Variants in GLT8D2 observed in about 807,000 individuals in gnomAD.
The protein encoded by GLT8D2 is glycosyltransferase 8 domain containing 2.
Under a neutral mutation model 44.5 loss-of-function variants are expected in GLT8D2, and 45 were observed. The ratio of observed to expected loss-of-function variants is 1.01; its 90% CI spans 0.80 to 1.30. The LOEUF is 1.30. GLT8D2 is among the 50% of genes most tolerant of loss of function. The pLI is 0.00. For missense variants in GLT8D2, 400 were observed against 430.4 expected (o/e 0.93, Z 0.62); for synonymous variants, 156 against 157.2 (o/e 0.99, Z 0.06).
intron 4 of GLT8D2, among the ~76,000 whole-genome samples, chr12:104,012,190 ATATAT>A (rs376879023): frequency 0.19 from 17,347 of 91,970 alleles, 1,727 homozygotes; most frequent in Non-Finnish European, 0.24. Flanking sequence ...AAAAAAAAAA[ATATAT>A]ATATATATAT....
At chr12:104,013,136 T>C (rs2136335501) in intron 4 of GLT8D2, among the ~76,000 whole-genome samples, 1 of 152,364 alleles carries the variant, frequency 6.6e-6, no homozygotes, top group Non-Finnish European at 1.5e-5. Context: ...AGTAAATTTA[T>C]AGAATTGCAC....
At chr12:104,022,790 GCA>G (rs140982372) in intron 1 of GLT8D2, among the ~76,000 whole-genome samples, 2 of 148,956 alleles carry the variant, frequency 1.3e-5, no homozygotes, top group South Asian at 2.1e-4. Flanking sequence ...ACACACACAT[GCA>G]CACACACACA....
Position 103,999,434 on chromosome 12 carries a change from A to T in GLT8D2, c.365T>A (p.Ile122Asn), listed in dbSNP as rs769294004. ...TTCAGGCCTCGATGAGTCTGGTCTG[A>T]TCTTCCCTTTGAGGACCATCGGGTT... Reference protein sequence around the residue: ...EFNPMVLKGKIRPDSSRPELL... With the variant: ...EFNPMVLKGKNRPDSSRPELL... Residue 122 changes from isoleucine to asparagine, a missense_variant, in exon 6 of 11, where the codon ATC becomes AAC. Coordinates refer to ENST00000360814, the MANE Select transcript of GLT8D2 (RefSeq NM_001384711.1). 1.2e-6 allele frequency: 2 copies of T among 1,613,190 alleles called. No individual in the cohort carries two copies. Among genetic ancestry groups the T allele is most frequent in the South Asian group, 2.2e-5 (2 of 91,056 alleles).
In GLT8D2 at chr12:104,008,895, T is replaced by C. The variant is rs142428924; in HGVS notation, c.113-5589A>G. ...CAGCTTCCACGTGGTGTTGAGCCTG[T>C]GAGTGCACAGAAGTAAAAAATTGGG... On this transcript the variant is annotated intron_variant, in intron 4 of 10. Coordinates refer to ENST00000360814, the MANE Select transcript of GLT8D2 (RefSeq NM_001384711.1). Among the ~76,000 whole-genome samples, 762 of 152,336 alleles carry C rather than the reference T, an allele frequency of 5.0e-3. 3 individuals carry two copies. Among genetic ancestry groups the C allele is most frequent in the Non-Finnish European group, 9.2e-3 (625 of 68,022 alleles).
chr12:103,989,333 G>T lies in GLT8D2; in HGVS notation c.*75C>A. The T allele has an allele frequency of 8.0e-7, 1 of 1,252,354 alleles. No individual in the cohort carries two copies. Among genetic ancestry groups the T allele is most frequent in the Non-Finnish European group, 1.1e-6 (1 of 903,540 alleles). 77.6% of individuals were successfully genotyped at this position (1,252,354 alleles called of 1,614,324 possible). Reference sequence around the variant, plus strand: ...ATGTATCAAAGGTAATATTCATAAAGAACAATGTTATAGTTGGCTACAAAG... The same window carrying T: ...ATGTATCAAAGGTAATATTCATAAATAACAATGTTATAGTTGGCTACAAAG... On this transcript the variant is annotated 3_prime_UTR_variant, in exon 11 of 11. Transcript: ENST00000360814.
At chr12:104,062,543 G>C (rs1367443131) in intron 1 of GLT8D2, among the ~76,000 whole-genome samples, 2 of 152,212 alleles carry the variant, frequency 1.3e-5, no homozygotes, top group African/African-American at 4.8e-5. Flanking sequence ...TTACTATACA[G>C]TGTCTGTGTT....
chr12:104,003,158 G>A lies in GLT8D2; in HGVS notation c.261C>T (p.Leu87=), dbSNP rs559610516. Residue 87 remains leucine (L), a synonymous_variant, in exon 5 of 11, where the codon CTC becomes CTT. Transcript: ENST00000360814. ...ACCGTATTCGAGTCAGAGTATTCCG[G>A]AGTCCCACTACATAGAACAAGATGT... The part of the protein sequence containing the change: ...DANILFYVVG[L]RNTLTRIRKW... 1 of 1,614,054 alleles carries A rather than the reference G, an allele frequency of 6.2e-7. No individual in the cohort carries two copies. Among genetic ancestry groups the A allele is most frequent in the Non-Finnish European group, 8.5e-7 (1 of 1,179,960 alleles).
chr12:104,059,794 G>A (rs1315793542), intron 1 of GLT8D2, among the ~76,000 whole-genome samples: 1 of 152,024 alleles, frequency 6.6e-6, no homozygotes, highest in African/African-American at 2.4e-5. Context: ...ATGATTGCTG[G>A]TTGTGCTCTT....
Position 103,994,358 on chromosome 12 carries a change from C to T in GLT8D2, c.744G>A (p.Glu248=). 1 of 1,612,666 alleles carries T rather than the reference C, an allele frequency of 6.2e-7. No individual in the cohort carries two copies. Among genetic ancestry groups the T allele is most frequent in the East Asian group, 2.2e-5 (1 of 44,872 alleles). Residue 248 remains glutamate, a synonymous_variant, in exon 9 of 11, where the codon GAG becomes GAA. Transcript: ENST00000360814. ...ACTCCACATTCTTTTGCATCCATTT[C>T]TCCAATTGCTTGGTGATGCGCTGGT... is the stretch of plus-strand genomic sequence containing the variant. ...WKHQRITKQL[E]KWMQKNVEEN... is the part of the protein sequence containing the mutation.
At chr12:104,028,827 A>G (rs1878886476) in intron 1 of GLT8D2, among the ~76,000 whole-genome samples, 1 of 152,150 alleles carries the variant, frequency 6.6e-6, no homozygotes, top group African/African-American at 2.4e-5. Context: ...TGTTCCTGCC[A>G]GTGATATTTA....
At chr12:104,037,542 T>C (rs1405425464) in intron 1 of GLT8D2, among the ~76,000 whole-genome samples, 1 of 152,114 alleles carries the variant, frequency 6.6e-6, no homozygotes, top group Admixed American at 6.5e-5. Context: ...CTAGAAAATA[T>C]AGAAGAAATG....
intron 1 of GLT8D2, chr12:104,030,776 G>T: frequency 2.5e-6 from 4 of 1,611,842 alleles, no homozygotes; most frequent in South Asian, 1.1e-5. Flanking sequence ...CCAGCCCGCC[G>T]CCATGGCCGC....
intron 1 of GLT8D2, among the ~76,000 whole-genome samples, chr12:104,055,472 T>G (rs149349698): frequency 2.7e-4 from 41 of 152,340 alleles, no homozygotes; most frequent in Admixed American, 6.5e-4. Context: ...TAACTACTCA[T>G]GGAAAATCTT....
chr12:104,045,033 A>G (rs1220569133), intron 1 of GLT8D2, among the ~76,000 whole-genome samples: 1 of 152,244 alleles, frequency 6.6e-6, no homozygotes, highest in Non-Finnish European at 1.5e-5. Context: ...CAGACAGACC[A>G]CTGAGGACAG....
rs1170333665 is a variant in GLT8D2, at chr12:103,990,133, A to ATATATATC, written c.881-557_881-556insGATATATA. ...TATATATATATATATATATATATATATGTAGGATAAAATATTGTAGGTGGA... is the reference window on the plus strand; with the variant it reads ...TATATATATATATATATATATATATATATATATCTGTAGGATAAAATATTGTAGGTGGA... On this transcript the variant is annotated intron_variant, in intron 10 of 10. Transcript: ENST00000360814. 2.2e-4 allele frequency among the ~76,000 whole-genome samples: 30 copies of ATATATATC among 136,476 alleles called. 2 individuals are homozygous for ATATATATC. Among genetic ancestry groups the ATATATATC allele is most frequent in the East Asian group, 4.0e-4 (2 of 4,970 alleles). 89.5% of individuals were successfully genotyped at this position (136,476 alleles called of 152,430 possible). A position where few individuals can be genotyped will look rare whatever the true frequency, so the allele number is the denominator to read the frequency against.
intron 3 of GLT8D2, among the ~76,000 whole-genome samples, chr12:104,019,118 C>CTTTTT (rs11291563): frequency 2.5e-4 from 29 of 116,462 alleles, no homozygotes; most frequent in African/African-American, 3.0e-4. Context: ...ACTTCTTCTT[C>CTTTTT]TTTTTTTTTT....
chr12:103,995,070 C>T (rs1873239839), intron 8 of GLT8D2, among the ~76,000 whole-genome samples: 1 of 152,000 alleles, frequency 6.6e-6, no homozygotes, highest in African/African-American at 2.4e-5. Flanking sequence ...CTTCAAAATG[C>T]TGGAAGCCAA....
intron 1 of GLT8D2, chr12:104,031,446 A>G: frequency 1.2e-6 from 2 of 1,612,816 alleles, no homozygotes; most frequent in Non-Finnish European, 1.7e-6. Context: ...TTGGACAAGA[A>G]CTTGAAGCCT....
intron 8 of GLT8D2, among the ~76,000 whole-genome samples, 189 bp from the exon 9 acceptor site, chr12:103,994,690 CCTAAGT>C (rs565431346): frequency 7.0e-4 from 106 of 152,152 alleles, no homozygotes; most frequent in Middle Eastern, 6.8e-3. Context: ...TGCTGAATGC[CCTAAGT>C]CTGAGTGCAG....
Sources: allele counts gnomAD v4.1 joint callset (sites outside exome capture counted in the v4.1 genomes callset), GRCh38; gene constraint gnomAD v4.1.1; transcripts MANE v1.5; gene names NCBI Gene and HGNC (gene_info 2026-07-23, HGNC 2026-07-21).